OR2C1: variants seen among roughly 807,000 people sequenced by gnomAD.
OR2C1 encodes olfactory receptor family 2 subfamily C member 1.
For synonymous variants in OR2C1, 209 were observed against 167.3 expected (o/e 1.25, Z -1.92); for missense variants, 468 against 388.3 (o/e 1.21, Z -1.73).
the OR2C1 span, among the ~76,000 whole-genome samples, chr16:3,328,182 G>A: frequency 6.6e-6 from 1 of 152,222 alleles, no homozygotes; most frequent in Admixed American, 6.5e-5. Context: ...TAGTCAAGAA[G>A]TGTGCTACAA....
chr16:3,322,980 G>A, the OR2C1 span: 22 of 974,206 alleles, frequency 2.3e-5, no homozygotes, highest in Non-Finnish European at 2.7e-5. Context: ...AGAAAATGCT[G>A]GAATTTTTCC....
chr16:3,352,761 G>C (rs1464136385), upstream of OR2C1, among the ~76,000 whole-genome samples: 1 of 146,084 alleles, frequency 6.8e-6, no homozygotes, highest in Non-Finnish European at 1.5e-5. Flanking sequence ...TTTTTTCTGA[G>C]GTAGAGTTTC....
At chr16:3,339,641 A>G in the OR2C1 span, among the ~76,000 whole-genome samples, 7 of 151,966 alleles carry the variant, frequency 4.6e-5, no homozygotes, top group East Asian at 1.2e-3. Flanking sequence ...TATTTTTAGT[A>G]GACATGGGGT....
At chr16:3,341,713 C>G in the OR2C1 span, among the ~76,000 whole-genome samples, 1 of 152,136 alleles carries the variant, frequency 6.6e-6, no homozygotes, top group African/African-American at 2.4e-5. Flanking sequence ...TGAGTATGAG[C>G]TCTGTCACTG....
chr16:3,353,483 C>G (rs2030606588), upstream of OR2C1, among the ~76,000 whole-genome samples: 1 of 84,352 alleles, frequency 1.2e-5, no homozygotes, highest in African/African-American at 4.2e-5. Flanking sequence ...GAGCGAGACT[C>G]CGTCTCAAAA....
At chr16:3,349,250 CTG>C in the OR2C1 span, among the ~76,000 whole-genome samples, 6 of 152,174 alleles carry the variant, frequency 3.9e-5, no homozygotes, top group African/African-American at 1.4e-4. Flanking sequence ...GATTACTAAT[CTG>C]TGTTTGGGGA....
At chr16:3,355,812 A>C, upstream of OR2C1, 1 of 668,618 alleles carries the variant, frequency 1.5e-6, no homozygotes, top group Non-Finnish European at 2.5e-6. Context: ...GTTGTTACTT[A>C]ACTATGGATC....
At chr16:3,342,506 T>A in the OR2C1 span, among the ~76,000 whole-genome samples, 7 of 152,158 alleles carry the variant, frequency 4.6e-5, no homozygotes, top group African/African-American at 1.4e-4. Flanking sequence ...TCACTTGAGG[T>A]CAGGAGTTCG....
the OR2C1 span, among the ~76,000 whole-genome samples, chr16:3,333,211 A>ATTTTTTTTTTT: frequency 1.5e-4 from 10 of 65,846 alleles, no homozygotes; most frequent in East Asian, 3.9e-4. Flanking sequence ...TCTTTTGCCC[A>ATTTTTTTTTTT]TTTTTTTTTT....
chr16:3,332,913 C>A, the OR2C1 span, among the ~76,000 whole-genome samples: 1 of 152,030 alleles, frequency 6.6e-6, no homozygotes, highest in Non-Finnish European at 1.5e-5. Context: ...ATTGCTAGAT[C>A]ACATGGTAGT....
At chr16:3,333,210 C>CTTTT in the OR2C1 span, among the ~76,000 whole-genome samples, 3 of 33,030 alleles carry the variant, frequency 9.1e-5, no homozygotes, top group Non-Finnish European at 1.3e-4. Flanking sequence ...ATCTTTTGCC[C>CTTTT]ATTTTTTTTT....
chr16:3,345,833 C>CTTCT, the OR2C1 span, among the ~76,000 whole-genome samples: 1 of 95,020 alleles, frequency 1.1e-5, no homozygotes, highest in African/African-American at 4.0e-5. Context: ...CCTTCCTTCC[C>CTTCT]TCCTTCCTTC....
chr16:3,338,806 G>T, the OR2C1 span, among the ~76,000 whole-genome samples: 54,896 of 151,934 alleles, frequency 0.36, 10,396 homozygotes, highest in African/African-American at 0.48. Flanking sequence ...AAAGTGCTGG[G>T]ATTACGGGCT....
chr16:3,350,621 C>A, the OR2C1 span, among the ~76,000 whole-genome samples: 1 of 150,518 alleles, frequency 6.6e-6, no homozygotes, highest in African/African-American at 2.4e-5. Flanking sequence ...CTGTGTTAGC[C>A]AGGATGGTCT....
the OR2C1 span, chr16:3,323,330 G>A: frequency 9.1e-7 from 1 of 1,103,902 alleles, no homozygotes; most frequent in African/African-American, 1.5e-5. Flanking sequence ...AGATCTCCTG[G>A]AAATGCTTCA....
Position 3,356,334 on chromosome 16 carries a change from T to C in OR2C1, c.394T>C (p.Tyr132His). 1 of 1,613,366 alleles carries C rather than the reference T, an allele frequency of 6.2e-7. No individual in the cohort carries two copies. The highest frequency in any genetic ancestry group is 1.7e-4 in the Middle Eastern group (1 of 6,060). The change falls in exon 1 of 1, where the codon TAC becomes CAC. Residue 132 changes from tyrosine to histidine, a missense_variant. Coordinates refer to ENST00000304936, the MANE Select transcript of OR2C1 (RefSeq NM_012368.3). ...RYVAVCRPLR[Y>H]TAIMNPQLCW... is the part of the protein sequence containing the mutation. ...CGTGGCAGTGTGCCGGCCCCTCCGC[T>C]ACACCGCCATCATGAACCCCCAGCT...
chr16:3,327,077 A>G, the OR2C1 span, among the ~76,000 whole-genome samples: 2 of 152,184 alleles, frequency 1.3e-5, no homozygotes, highest in East Asian at 1.9e-4. Context: ...AATAATATAT[A>G]TAGGAAATGG....
chr16:3,344,951 A>G, the OR2C1 span, among the ~76,000 whole-genome samples: 2 of 152,064 alleles, frequency 1.3e-5, no homozygotes, highest in Admixed American at 1.3e-4. Flanking sequence ...ATGTGTGTAT[A>G]TATATATGTA....
the OR2C1 span, among the ~76,000 whole-genome samples, chr16:3,329,927 G>T: frequency 6.6e-6 from 1 of 150,484 alleles, no homozygotes; most frequent in African/African-American, 2.5e-5. Context: ...GCTAATTTTT[G>T]TATTTTTAGT....
Sources: allele counts gnomAD v4.1 joint callset (sites outside exome capture counted in the v4.1 genomes callset), GRCh38; gene constraint gnomAD v4.1.1; transcripts MANE v1.5; gene names NCBI Gene and HGNC (gene_info 2026-07-23, HGNC 2026-07-21).